The following FRMD4B variants were observed in gnomAD, a reference collection of about 807,000 sequenced individuals.
FRMD4B encodes FERM domain-containing protein 4B.
In FRMD4B, 74 loss-of-function variants were observed where a neutral mutation model predicts 141.5. The ratio of observed to expected loss-of-function variants is 0.52; its 90% CI spans 0.43 to 0.63. The LOEUF (loss-of-function observed/expected upper bound fraction) is 0.63. Among genes scored for constraint, FRMD4B ranks in the 30% least tolerant of loss-of-function variants. The pLI is 0.00. For synonymous variants in FRMD4B, 506 were observed against 467.9 expected, an observed-to-expected ratio of 1.08 and a Z score of -1.05; for missense variants, 1,366 against 1,253.4, an observed-to-expected ratio of 1.09 and a Z score of -1.36.
At chr3:69,420,203 T>C (rs1192018229) in intron 2 of FRMD4B, among the ~76,000 whole-genome samples, 1 of 145,970 alleles carries the variant, frequency 6.9e-6, no homozygotes, top group Non-Finnish European at 1.5e-5. Context: ...AAATAATCCC[T>C]GGGAAAAATC....
intron 1 of FRMD4B, among the ~76,000 whole-genome samples, chr3:69,531,530 C>T (rs1423550264): frequency 6.6e-6 from 1 of 152,156 alleles, no homozygotes; most frequent in Non-Finnish European, 1.5e-5. Context: ...TATTCCTTGA[C>T]AACACTATGT....
intron 1 of FRMD4B, among the ~76,000 whole-genome samples, chr3:69,493,795 T>C (rs1444708553): frequency 6.6e-6 from 1 of 152,192 alleles, no homozygotes; most frequent in Non-Finnish European, 1.5e-5. Context: ...AGGGACATAA[T>C]TGGTTCTCAT....
In FRMD4B at chr3:69,405,314, A is replaced by G. The variant is rs1704631978; in HGVS notation, c.-1+27320T>C. ...AAGTGTATGTCCTTACAGACTCACC[A>G]TCAGAGAGGAAAGAGAGCTCTTCGC... On this transcript the variant is annotated intron_variant, in intron 2 of 5. Transcript: ENST00000459638. 2.0e-5 allele frequency among the ~76,000 whole-genome samples: 3 copies of G among 152,248 alleles called. No individual in the cohort carries two copies. The South Asian group carries it at 6.2e-4, about 31-fold the overall frequency.
chr3:69,522,089 T>C (rs1368214868), intron 1 of FRMD4B, among the ~76,000 whole-genome samples: 1 of 152,130 alleles, frequency 6.6e-6, no homozygotes, highest in Non-Finnish European at 1.5e-5. Flanking sequence ...CTCAGATTCT[T>C]CGGATACAGT....
At chr3:69,406,710 A>G (rs984415105) in intron 2 of FRMD4B, among the ~76,000 whole-genome samples, 1 of 152,044 alleles carries the variant, frequency 6.6e-6, no homozygotes, top group Non-Finnish European at 1.5e-5. Context: ...AAGTCTTACC[A>G]AATGTCATTA....
At chr3:69,515,551 A>G (rs1427286824) in intron 1 of FRMD4B, among the ~76,000 whole-genome samples, 1 of 152,092 alleles carries the variant, frequency 6.6e-6, no homozygotes, top group African/African-American at 2.4e-5. Context: ...TATTTTATTT[A>G]CTTTCTTGCT....
intron 7 of FRMD4B, among the ~76,000 whole-genome samples, chr3:69,236,754 C>T (rs1224002524): frequency 3.3e-5 from 5 of 152,124 alleles, no homozygotes; most frequent in Admixed American, 6.5e-5. Flanking sequence ...ATCTCTGTTA[C>T]TGTTAGGGTA....
At chr3:69,184,132 G>A (rs1036402939) in intron 19 of FRMD4B, among the ~76,000 whole-genome samples, 1 of 150,794 alleles carries the variant, frequency 6.6e-6, no homozygotes, top group African/African-American at 2.4e-5. Flanking sequence ...GGCTGTTTTC[G>A]AACTCCTGAC....
At chr3:69,238,824 T>C (rs956616526) in intron 7 of FRMD4B, among the ~76,000 whole-genome samples, 5 of 152,084 alleles carry the variant, frequency 3.3e-5, no homozygotes, top group African/African-American at 1.2e-4. Flanking sequence ...TTTCTGAAGG[T>C]AGCATAATAA....
At chr3:69,283,496 A>G (rs1392803020) in intron 5 of FRMD4B, among the ~76,000 whole-genome samples, 1 of 152,158 alleles carries the variant, frequency 6.6e-6, no homozygotes, top group Non-Finnish European at 1.5e-5. Context: ...AGTAGCATTT[A>G]AAGGAATTCT....
At chr3:69,488,183 C>T (rs1206117721) in intron 1 of FRMD4B, among the ~76,000 whole-genome samples, 1 of 152,112 alleles carries the variant, frequency 6.6e-6, no homozygotes, top group African/African-American at 2.4e-5. Context: ...TAAAATGGAG[C>T]CCTGTTAAGG....
In FRMD4B at chr3:69,196,983, A is replaced by G; in HGVS notation, c.1009T>C (p.Tyr337His). The part of the protein sequence containing the change: ...GQSGLFVQTW[Y>H]ANSSLIKSIW... ...GACTTGATGAGAGAAGAGTTAGCAT[A>G]CCATGTTTGCACAAACAAGCCACTT... Residue 337 changes from tyrosine (Y) to histidine (H), a missense_variant, in exon 13 of 23, where the codon TAT (tyrosine) becomes CAT (histidine). By Grantham distance (83) the Tyr-to-His change is moderately conservative. Transcript: ENST00000398540. The G allele has an allele frequency of 6.2e-7, 1 of 1,605,766 alleles. No individual in the cohort carries two copies. Among genetic ancestry groups the G allele is most frequent in the Non-Finnish European group, 8.5e-7 (1 of 1,172,278 alleles).
At chr3:69,535,982 G>A (rs1321094379) in intron 1 of FRMD4B, 6 of 384,636 alleles carry the variant, frequency 1.6e-5, no homozygotes, top group African/African-American at 6.4e-5. Context: ...TGCTGCCTCG[G>A]GCCTTTGCCT....
intron 1 of FRMD4B, among the ~76,000 whole-genome samples, chr3:69,348,274 A>G (rs560962155): frequency 5.9e-5 from 9 of 152,248 alleles, no homozygotes; most frequent in African/African-American, 2.2e-4. Context: ...CCTCCCAAGA[A>G]TAAACCTGGA....
intron 5 of FRMD4B, among the ~76,000 whole-genome samples, chr3:69,277,583 C>T (rs151073701): frequency 0.011 from 1,341 of 118,056 alleles, 10 homozygotes; most frequent in Non-Finnish European, 0.015. Flanking sequence ...AGTGCAGTTG[C>T]GCAATCTCAG....
chr3:69,273,815 AAGGAAGAATTCAACATAAT>A, intron 5 of FRMD4B, among the ~76,000 whole-genome samples: 1 of 152,260 alleles, frequency 6.6e-6, no homozygotes, highest in East Asian at 1.9e-4. Context: ...CTGATGCATA[AAGGAAGAATTCAACATAAT>A]AGGAAGAATT....
At chr3:69,441,468 G>A (rs1705341066) in intron 1 of FRMD4B, among the ~76,000 whole-genome samples, 1 of 152,084 alleles carries the variant, frequency 6.6e-6, no homozygotes, top group Non-Finnish European at 1.5e-5. Context: ...AACTATCCCT[G>A]CCCACCAGAG....
intron 1 of FRMD4B, among the ~76,000 whole-genome samples, chr3:69,344,295 C>A (rs1159903533): frequency 1.3e-5 from 2 of 151,928 alleles, no homozygotes; most frequent in East Asian, 3.9e-4. Context: ...CCCCAAATTT[C>A]TTTCTTTGTG....
intron 11 of FRMD4B, 30 bp downstream of exon 11, chr3:69,216,233 C>T: frequency 8.8e-7 from 1 of 1,131,638 alleles, no homozygotes; most frequent in Non-Finnish European, 1.3e-6. Flanking sequence ...TTGAACAGTT[C>T]AAAGTTCTCC....
Sources: allele counts gnomAD v4.1 joint callset (sites outside exome capture counted in the v4.1 genomes callset), GRCh38; gene constraint gnomAD v4.1.1; transcripts MANE v1.5; gene names NCBI Gene and HGNC (gene_info 2026-07-23, HGNC 2026-07-21).